The following MTUS2 variants were observed in gnomAD, a reference collection of about 807,000 sequenced individuals.
MTUS2 encodes the protein microtubule associated scaffold protein 2.
Under a neutral mutation model 114.1 loss-of-function variants are expected in MTUS2, and 40 were observed. The ratio of observed to expected loss-of-function variants is 0.35; its 90% confidence interval spans 0.27 to 0.46. The LOEUF is 0.46. Ranked by LOEUF, MTUS2 falls within the 20% of genes least tolerant of loss-of-function variation. The pLI, the probability that MTUS2 is intolerant of heterozygous loss-of-function variation, is 1.00. For synonymous variants in MTUS2, 688 were observed against 672.0 expected, an observed-to-expected ratio of 1.02 and a Z score of -0.37; for missense variants, 1,679 against 1,705.4, an observed-to-expected ratio of 0.98 and a Z score of 0.27.
In MTUS2 at chr13:29,359,382, C is replaced by T. The variant is rs1163270029; in HGVS notation, c.3026C>T (p.Thr1009Ile). ...CTGAAGGAGCGGTGTGAGCAGCAGA[C>T]CAGACAGCTGGGCGTTGCGCAAGGG... ...LRLKERCEQQ[T>I]RQLGVAQGEL... The change falls in exon 8 of 16, where the codon ACC becomes ATC. Residue 1009 changes from threonine (T) to isoleucine (I), a missense_variant. Thr to Ile is a moderately conservative substitution (Grantham distance 89). Around this residue, in one of 3 missense-constraint regions of MTUS2, gnomAD observed 822 missense variants for 899.7 expected, o/e 0.91. Coordinates refer to ENST00000612955, the MANE Select transcript of MTUS2 (RefSeq NM_001033602.4). 6.2e-7 allele frequency: 1 copy of T among 1,613,612 alleles called. No individual in the cohort carries two copies.
At chr13:29,463,449 AT>A (rs932123632) in intron 9 of MTUS2, among the ~76,000 whole-genome samples, 2 of 152,118 alleles carry the variant, frequency 1.3e-5, no homozygotes, top group Admixed American at 6.6e-5. Context: ...TAGAAGGAAG[AT>A]TTTTTTTAGT....
intron 2 of MTUS2, among the ~76,000 whole-genome samples, chr13:28,990,414 C>T (rs1002997467): frequency 6.6e-6 from 1 of 152,074 alleles, no homozygotes; most frequent in African/African-American, 2.4e-5. Flanking sequence ...ACTTTTCTGT[C>T]TAGCAGAAGG....
At chr13:29,069,962 G>A (rs1305654090) in intron 4 of MTUS2, among the ~76,000 whole-genome samples, 1 of 152,036 alleles carries the variant, frequency 6.6e-6, no homozygotes, top group East Asian at 1.9e-4. Flanking sequence ...AACAAAAAGG[G>A]GATGTATCCT....
intron 5 of MTUS2, among the ~76,000 whole-genome samples, chr13:29,148,823 G>A (rs2139031582): frequency 6.6e-6 from 1 of 151,780 alleles, no homozygotes; most frequent in Middle Eastern, 3.4e-3. Flanking sequence ...GAGGATAATG[G>A]CTTCTAGCTC....
At chr13:29,282,626 A>T (rs1035793907) in intron 6 of MTUS2, among the ~76,000 whole-genome samples, 27 of 152,300 alleles carry the variant, frequency 1.8e-4, no homozygotes, top group Non-Finnish European at 3.7e-4. Flanking sequence ...ACATTATAGA[A>T]GGCAAATTTA....
intron 2 of MTUS2, among the ~76,000 whole-genome samples, chr13:28,876,927 A>G (rs1877970887): frequency 6.6e-6 from 1 of 152,140 alleles, no homozygotes; most frequent in Non-Finnish European, 1.5e-5. Context: ...TCTGAGTTCT[A>G]TGATTGCTCG....
At chr13:29,141,244 A>G (rs1892206974) in intron 5 of MTUS2, among the ~76,000 whole-genome samples, 1 of 152,174 alleles carries the variant, frequency 6.6e-6, no homozygotes, top group African/African-American at 2.4e-5. Context: ...ACAGGTGGAA[A>G]TTATTTCAGA....
chr13:28,931,519 C>G (rs1474198480), intron 2 of MTUS2, among the ~76,000 whole-genome samples: 1 of 152,138 alleles, frequency 6.6e-6, no homozygotes, highest in Non-Finnish European at 1.5e-5. Context: ...GCCTGCTTCC[C>G]CTTCCACCAT....
chr13:29,334,036 TG>T (rs1900929973), intron 7 of MTUS2, among the ~76,000 whole-genome samples: 2 of 152,184 alleles, frequency 1.3e-5, no homozygotes, highest in South Asian at 4.1e-4. Flanking sequence ...TGTTTTGTTT[TG>T]TTTTTGCTTT....
intron 2 of MTUS2, among the ~76,000 whole-genome samples, chr13:28,924,229 T>C (rs1236407821): frequency 1.3e-5 from 2 of 152,202 alleles, no homozygotes; most frequent in Non-Finnish European, 2.9e-5. Flanking sequence ...CCATTCTCTT[T>C]ACACCTTTCA....
chr13:29,254,437 A>G (rs549859682), intron 5 of MTUS2, among the ~76,000 whole-genome samples: 4 of 152,372 alleles, frequency 2.6e-5, no homozygotes, highest in Admixed American at 6.5e-5. Context: ...GCATTTGTCA[A>G]TCAAGTTGAC....
At chr13:29,178,456 G>A (rs1304088415) in intron 5 of MTUS2, among the ~76,000 whole-genome samples, 1 of 152,108 alleles carries the variant, frequency 6.6e-6, no homozygotes, top group East Asian at 1.9e-4. Context: ...GTCTAAAGCA[G>A]AGTTTTTAAA....
intron 8 of MTUS2, among the ~76,000 whole-genome samples, chr13:29,429,535 A>G (rs1440339162): frequency 1.3e-5 from 2 of 152,238 alleles, no homozygotes; most frequent in Non-Finnish European, 1.5e-5. Context: ...TAGAGTATGC[A>G]TGAGAATTAT....
chr13:28,862,561 A>G (rs1877058121), intron 2 of MTUS2, among the ~76,000 whole-genome samples: 1 of 152,214 alleles, frequency 6.6e-6, no homozygotes, highest in South Asian at 2.1e-4. Flanking sequence ...TGCAGTGAGC[A>G]GAGACTGTGC....
intron 8 of MTUS2, among the ~76,000 whole-genome samples, chr13:29,366,538 C>T (rs1870726675): frequency 6.6e-6 from 1 of 152,242 alleles, no homozygotes; most frequent in African/African-American, 2.4e-5. Flanking sequence ...GACACTTAAG[C>T]ACCAGAAAGT....
intron 4 of MTUS2, among the ~76,000 whole-genome samples, chr13:29,057,155 T>C (rs1888172316): frequency 6.6e-6 from 1 of 152,110 alleles, no homozygotes; most frequent in Non-Finnish European, 1.5e-5. Context: ...TGCTGCGGCC[T>C]AAGAGTGTGT....
At chr13:29,150,019 T>G (rs779176730) in intron 5 of MTUS2, among the ~76,000 whole-genome samples, 2 of 152,112 alleles carry the variant, frequency 1.3e-5, no homozygotes, top group Non-Finnish European at 2.9e-5. Flanking sequence ...GACTTCATAT[T>G]AATTTTAAAA....
chr13:29,225,762 G>A (rs181005384), intron 5 of MTUS2, among the ~76,000 whole-genome samples: 17 of 152,230 alleles, frequency 1.1e-4, no homozygotes, highest in South Asian at 1.0e-3. Context: ...TGTGCTGACC[G>A]AAAGAATATT....
In MTUS2 at chr13:28,861,884, A is replaced by G. The variant is rs559929918; in HGVS notation, c.-243+22034A>G. On this transcript the variant is annotated intron_variant, in intron 2 of 15. Coordinates refer to ENST00000612955, the MANE Select transcript of MTUS2 (RefSeq NM_001033602.4). ...TGCCTGGTTTCCCTGACCCGTCCCT[A>G]AAGATTCCCTGGGAACCCCCATACG... Among the ~76,000 whole-genome samples the G allele has an allele frequency of 1.2e-4, 19 of 152,244 alleles. No homozygotes were observed. The South Asian group carries it at 3.9e-3, about 32-fold the overall frequency.
Sources: allele counts gnomAD v4.1 joint callset (sites outside exome capture counted in the v4.1 genomes callset), GRCh38; gene constraint gnomAD v4.1.1; regional missense constraint gnomAD v4.1.1; transcripts MANE v1.5; gene names NCBI Gene and HGNC (gene_info 2026-07-23, HGNC 2026-07-21).